Variants in LAMA1 observed in about 807,000 individuals in gnomAD.
LAMA1 encodes the protein laminin subunit alpha-1.
Under a neutral mutation model 348.7 loss-of-function variants are expected in LAMA1, and 219 were observed. That is an observed-to-expected ratio of 0.63 (90% CI 0.56 to 0.70). LAMA1 has a LOEUF of 0.70. Among genes scored for constraint, LAMA1 ranks in the 30% least tolerant of loss-of-function variants. LAMA1 has a pLI of 0.00. For missense variants in LAMA1, 3,744 were observed against 3,888.0 expected (o/e 0.96, Z 0.99); for synonymous variants, 1,487 against 1,491.0 (o/e 1.00, Z 0.06).
chr18:6,955,633 C>T lies in LAMA1; in HGVS notation c.8095-168G>A, dbSNP rs898068826. On this transcript the variant is annotated intron_variant, in intron 56 of 62. Coordinates refer to ENST00000389658, the MANE Select transcript of LAMA1 (RefSeq NM_005559.4). ...ATCTTCGGTTTAAATGATGCACTCG[C>T]CAGCGCTTTATCTCCCTGAAGAAAG... 11 of 696,040 alleles carry T rather than the reference C, an allele frequency of 1.6e-5. 1 individual carries two copies. The highest frequency in any genetic ancestry group is 1.0e-4 in the Admixed American group (5 of 49,822). The allele number at this position is 696,040 out of a possible 1,614,324, so 43.1% of individuals were successfully genotyped here. A position where few individuals can be genotyped will look rare whatever the true frequency, so the allele number is the denominator to read the frequency against.
At chr18:6,985,010 T>G (rs1014845586) in intron 39 of LAMA1, among the ~76,000 whole-genome samples, 1 of 152,244 alleles carries the variant, frequency 6.6e-6, no homozygotes, top group South Asian at 2.1e-4. Flanking sequence ...TAGCATATTA[T>G]GTGTTTTAAG....
chr18:7,052,761 C>T (rs7234464), intron 3 of LAMA1, among the ~76,000 whole-genome samples: 2,665 of 150,798 alleles, frequency 0.018, 77 homozygotes, highest in African/African-American at 0.061. Flanking sequence ...TGGTGGCTCA[C>T]GCCTGTAATC....
intron 29 of LAMA1, among the ~76,000 whole-genome samples, chr18:7,006,162 C>T (rs1323435616): frequency 6.6e-6 from 1 of 152,150 alleles, no homozygotes; most frequent in East Asian, 1.9e-4. Context: ...ATTTTGTTAT[C>T]TGCCTCATTG....
intron 61 of LAMA1, among the ~76,000 whole-genome samples, chr18:6,946,551 C>T (rs899799616): frequency 1.3e-5 from 2 of 152,054 alleles, no homozygotes; most frequent in Non-Finnish European, 2.9e-5. Flanking sequence ...AACCTGGTCT[C>T]TACTAAAAAA....
chr18:6,953,217 T>C (rs1004378212), intron 57 of LAMA1, among the ~76,000 whole-genome samples: 1 of 151,242 alleles, frequency 6.6e-6, no homozygotes, highest in Admixed American at 6.6e-5. Flanking sequence ...GTCCAGCGGA[T>C]CCACACCATA....
chr18:6,955,785 C>G, intron 56 of LAMA1: 1 of 411,946 alleles, frequency 2.4e-6, no homozygotes, highest in Non-Finnish European at 4.6e-6. Flanking sequence ...CCCCTAGGCC[C>G]CCGCCGTGAC....
chr18:6,955,524 AC>A, intron 56 of LAMA1, 59 bp from the exon 57 acceptor site: 1 of 1,262,692 alleles, frequency 7.9e-7, no homozygotes, highest in South Asian at 1.2e-5. Flanking sequence ...CCACTGACAC[AC>A]GCGTGTTCCG....
chr18:7,022,880 C>A (rs1272848690), intron 19 of LAMA1, among the ~76,000 whole-genome samples: 1 of 152,174 alleles, frequency 6.6e-6, no homozygotes, highest in Non-Finnish European at 1.5e-5. Flanking sequence ...TCACGGGGAG[C>A]AGAGCCGGAA....
In LAMA1 at chr18:6,986,299, C is replaced by T. The variant is rs201901346; in HGVS notation, c.5217G>A (p.Pro1739=). Residue 1739 remains proline, a synonymous_variant, in exon 37 of 63, where the codon CCG becomes CCA. Transcript: ENST00000389658. ...CTTTCAATACCTCCAATTCTTCCAG[C>T]GGCTTCTGGTAATTTTCCTGAATTT... is the stretch of plus-strand genomic sequence containing the variant. ...LSQIQENYQK[P]LEELEVLKEA... is the part of the protein sequence containing the mutation. 29 of 1,614,162 alleles carry T rather than the reference C, an allele frequency of 1.8e-5. No homozygotes were observed. Among genetic ancestry groups the T allele is most frequent in the East Asian group, 6.7e-5 (3 of 44,870 alleles).
chr18:6,962,156 T>C (rs1215437917), intron 51 of LAMA1, 97 bp from the exon 52 acceptor site: 1 of 823,464 alleles, frequency 1.2e-6, no homozygotes, highest in Admixed American at 1.9e-5. Context: ...GCACAGTGGC[T>C]TATGCCTGTA....
chr18:7,116,772 ATTCT>A (rs984347107), intron 1 of LAMA1, among the ~76,000 whole-genome samples: 34 of 152,176 alleles, frequency 2.2e-4, no homozygotes, highest in African/African-American at 4.6e-4. Context: ...AGGGAAAAGA[ATTCT>A]TTCTTTCTTT....
chr18:6,946,861 G>C (rs1371117967), intron 61 of LAMA1, among the ~76,000 whole-genome samples: 1 of 152,102 alleles, frequency 6.6e-6, no homozygotes, highest in Non-Finnish European at 1.5e-5. Context: ...AAAATTATTA[G>C]AAGGGATAGG....
chr18:6,968,342 C>G (rs143666795), intron 48 of LAMA1, among the ~76,000 whole-genome samples: 10 of 152,336 alleles, frequency 6.6e-5, no homozygotes, highest in Non-Finnish European at 1.3e-4. Flanking sequence ...TACTAGCATG[C>G]CCTGCTGCCG....
intron 3 of LAMA1, among the ~76,000 whole-genome samples, chr18:7,072,518 T>C (rs777362572): frequency 2.0e-4 from 31 of 152,352 alleles, no homozygotes; most frequent in Non-Finnish European, 2.5e-4. Flanking sequence ...GGTGCCCTGA[T>C]GCAGTCTCTC....
chr18:7,003,473 T>G (rs2057817803), intron 29 of LAMA1, among the ~76,000 whole-genome samples: 1 of 152,168 alleles, frequency 6.6e-6, no homozygotes, highest in African/African-American at 2.4e-5. Flanking sequence ...TTAGCCAGGA[T>G]GGTCTCGATC....
chr18:7,038,942 A>C lies in LAMA1; in HGVS notation c.1431T>G (p.Val477=), dbSNP rs971792342. 6.2e-7 allele frequency: 1 copy of C among 1,613,560 alleles called. No individual in the cohort carries two copies. Among genetic ancestry groups the C allele is most frequent in the Non-Finnish European group, 8.5e-7 (1 of 1,179,548 alleles). The change falls in exon 11 of 63, where the codon GTT becomes GTG. Residue 477 remains valine (V), a synonymous_variant. Transcript: ENST00000389658. The part of the protein sequence containing the change: ...CTGPCVCKEN[V]EGKACDRCKP... The stretch of plus-strand genomic sequence containing the variant: ...TGCAGCGATCACAGGCCTTCCCCTC[A>C]ACGTTTTCCTGTAAGTTAGGGTAAA...
At chr18:7,059,812 A>C (rs969200609) in intron 3 of LAMA1, among the ~76,000 whole-genome samples, 3 of 152,246 alleles carry the variant, frequency 2.0e-5, no homozygotes, top group Non-Finnish European at 2.9e-5. Context: ...TGCATGAAGG[A>C]AATAAACTTT....
Position 6,999,999 on chromosome 18 carries a change from T to G in LAMA1, c.4383-2A>C, listed in dbSNP as rs773130165. ...TCCAAGACACAAGTGGGACTAAAAC[T>G]GGAGGAAAAGAATTTCTTTTTGAAT... On this transcript the variant is annotated splice_acceptor_variant, in intron 30 of 62. Transcript: ENST00000389658. LOFTEE classifies it high-confidence loss of function. 15 of 1,609,422 alleles carry G rather than the reference T, an allele frequency of 9.3e-6. No individual in the cohort carries two copies. Among genetic ancestry groups the G allele is most frequent in the Non-Finnish European group, 1.3e-5 (15 of 1,175,904 alleles).
intron 9 of LAMA1, among the ~76,000 whole-genome samples, 187 bp from the exon 10 acceptor site, chr18:7,040,423 A>G (rs2058015584): frequency 6.6e-6 from 1 of 152,218 alleles, no homozygotes; most frequent in Non-Finnish European, 1.5e-5. Context: ...ACACAGGCAA[A>G]TGGCTATATC....
Sources: gnomAD v4.1 joint callset for allele counts (sites outside exome capture counted in the v4.1 genomes callset) on GRCh38, gnomAD v4.1.1 for gene constraint, MANE v1.5 for transcripts, NCBI Gene and HGNC (gene_info 2026-07-23, HGNC 2026-07-21) for gene names.